The following ACOX1 variants were observed in gnomAD, a reference collection of about 807,000 sequenced individuals.
ACOX1 encodes peroxisomal acyl-coenzyme A oxidase 1.
A neutral mutation model predicts 75.5 loss-of-function variants in ACOX1; 41 were observed. That is an observed-to-expected ratio of 0.54 (90% CI 0.42 to 0.70). ACOX1 has a LOEUF of 0.70. Ranked by LOEUF, ACOX1 falls within the 30% of genes least tolerant of loss-of-function variation. The pLI, the probability that ACOX1 is intolerant of heterozygous loss-of-function variation, is 0.00. For synonymous variants in ACOX1, 303 were observed against 298.8 expected (o/e 1.01, Z -0.15); for missense variants, 630 against 837.5 (o/e 0.75, Z 3.06).
intron 13 of ACOX1, among the ~76,000 whole-genome samples, chr17:75,947,971 G>A (rs1316912009): frequency 2.0e-5 from 3 of 152,154 alleles, no homozygotes; most frequent in Admixed American, 2.0e-4. Context: ...TGCCCACTCG[G>A]CCTCCCACAG....
rs781295371 is a variant in ACOX1 at position 75,949,353 on chromosome 17, C to T, written c.1592G>A (p.Cys531Tyr). 4.0e-5 allele frequency: 64 copies of T among 1,613,962 alleles called. 1 individual carries two copies. Among genetic ancestry groups the T allele is most frequent in the Non-Finnish European group, 4.8e-5 (57 of 1,180,022 alleles). ...VDLVRASEAH[C>Y]HYVVVKLFSE... ...AAAGAGCTTAACTACCACATAGTGG[C>T]AATGTGCCTAAGATTAAAAAGAAAA... Residue 531 changes from cysteine (C) to tyrosine (Y), a missense_variant, in exon 12 of 14, where the codon TGC becomes TAC. By Grantham distance (194) the Cys-to-Tyr change is radical. Transcript: ENST00000293217.
chr17:75,973,732 A>G, intron 2 of ACOX1: 1 of 1,614,170 alleles, frequency 6.2e-7, no homozygotes, highest in South Asian at 1.1e-5. Context: ...CAAGGTAGGA[A>G]TAAACATGGA....
In ACOX1 at chr17:75,944,657, TTACTC is replaced by T. The variant is rs2065703568; in HGVS notation, c.*2086_*2090del. 3.3e-5 allele frequency: 5 copies of T among 152,344 alleles called. No individual in the cohort carries two copies. The highest frequency in any genetic ancestry group is 1.2e-4 in the African/African-American group (5 of 41,590). The allele number at this position is 152,344 out of a possible 1,614,324, so 9.4% of individuals were successfully genotyped here. ...TCTTAATAGTACAAATCAGTGACGT[TTACTC>T]TATCTTTATTCTTGATTATATTGAA... On this transcript the variant is annotated 3_prime_UTR_variant, in exon 14 of 14. Transcript: ENST00000293217.
chr17:75,978,875 G>A lies in ACOX1; in HGVS notation c.109+90C>T, dbSNP rs1276503366. On this transcript the variant is annotated intron_variant, in intron 1 of 13. Coordinates refer to ENST00000293217, the MANE Select transcript of ACOX1 (RefSeq NM_004035.7). The surrounding 1 kb of genome is among the most constrained non-coding windows in gnomAD (Gnocchi z 4.2). Reference sequence around the variant, plus strand: ...CGGCTCCCCTAACGCTGGGCCAGAGGGCCTAGGCCCCACAGCGCCCCTGAC... The same window carrying A: ...CGGCTCCCCTAACGCTGGGCCAGAGAGCCTAGGCCCCACAGCGCCCCTGAC... 6.3e-7 allele frequency: 1 copy of A among 1,599,542 alleles called. No homozygotes were observed. Among genetic ancestry groups the A allele is most frequent in the East Asian group, 2.2e-5 (1 of 44,792 alleles).
intron 2 of ACOX1, among the ~76,000 whole-genome samples, chr17:75,975,289 G>A (rs1487062941): frequency 6.6e-6 from 1 of 151,848 alleles, no homozygotes; most frequent in Admixed American, 6.6e-5. Flanking sequence ...CTCCCAAGTA[G>A]CTGGGATTAT....
intron 2 of ACOX1, among the ~76,000 whole-genome samples, chr17:75,976,183 G>A (rs1050518590): frequency 2.6e-5 from 4 of 152,094 alleles, no homozygotes; most frequent in Non-Finnish European, 2.9e-5. Context: ...ATATCCTAAG[G>A]ACATTGGAAG....
intron 7 of ACOX1, among the ~76,000 whole-genome samples, chr17:75,952,016 T>C (rs2065779560): frequency 6.6e-6 from 1 of 152,108 alleles, no homozygotes; most frequent in Non-Finnish European, 1.5e-5. Context: ...AATTACCTTG[T>C]ACTGCGTAGG....
chr17:75,978,816 C>A lies in ACOX1; in HGVS notation c.110-123G>T. 1 of 1,601,962 alleles carries A rather than the reference C, an allele frequency of 6.2e-7. No homozygotes were observed. Among genetic ancestry groups the A allele is most frequent in the Non-Finnish European group, 8.5e-7 (1 of 1,178,144 alleles). ...CTGGGGAATGGCGATATCCCCCCAC[C>A]AGGGACACAGGCTGTTCCTCGAAGT... On this transcript the variant is annotated intron_variant, in intron 1 of 13. Transcript: ENST00000293217. This position sits in a 1 kb window ranked among gnomAD's most constrained non-coding sequence, Gnocchi z 4.2.
intron 3 of ACOX1, among the ~76,000 whole-genome samples, chr17:75,959,628 A>T (rs1220665544): frequency 6.6e-6 from 1 of 152,194 alleles, no homozygotes. Flanking sequence ...GATCAATGAA[A>T]GGTGGAGATA....
chr17:75,951,695 C>G (rs1466637369), intron 7 of ACOX1, 118 bp from the exon 8 acceptor site: 1 of 1,002,130 alleles, frequency 1.0e-6, no homozygotes, highest in Non-Finnish European at 1.5e-6. Context: ...CTTAAGGGCA[C>G]TGTGAGGTAG....
Position 75,949,871 on chromosome 17 carries a change from A to C in ACOX1, c.1325T>G (p.Val442Gly). The change falls in exon 10 of 14, where the codon GTG becomes GGG. Residue 442 changes from valine (V) to glycine (G), a missense_variant. Val to Gly is a moderately radical substitution (Grantham distance 109). Around this residue, in one of 2 missense-constraint regions of ACOX1, gnomAD observed 240 missense variants for 262.7 expected, o/e 0.91. Coordinates refer to ENST00000293217, the MANE Select transcript of ACOX1 (RefSeq NM_004035.7). Reference sequence around the variant, plus strand: ...GCCACACACCAACTTTCCTGAGTGCACCTGATCATAACTTTTCATCAGGAA... The same window carrying C: ...GCCACACACCAACTTTCCTGAGTGCCCCTGATCATAACTTTTCATCAGGAA... ...ARFLMKSYDQ[V>G]HSGKLVCGMV... 6.2e-7 allele frequency: 1 copy of C among 1,614,198 alleles called. No homozygotes were observed.
chr17:75,975,578 T>C (rs375426770), intron 2 of ACOX1, among the ~76,000 whole-genome samples: 1 of 152,250 alleles, frequency 6.6e-6, no homozygotes, highest in Non-Finnish European at 1.5e-5. Flanking sequence ...GTAATCATTA[T>C]AGATTCCACC....
intron 2 of ACOX1, among the ~76,000 whole-genome samples, chr17:75,964,508 G>T: frequency 6.6e-6 from 1 of 152,276 alleles, no homozygotes; most frequent in East Asian, 1.9e-4. Context: ...GAAGATGCAC[G>T]CTAAGGGTTA....
chr17:75,944,287 T>C lies in ACOX1; in HGVS notation c.*2461A>G, dbSNP rs1283549802. ...AATTTTGGAGAAGACAAGGTTAAAA[T>C]GTATCTTTGTACTTGTGAAAATGGC... On this transcript the variant is annotated 3_prime_UTR_variant, in exon 14 of 14. Transcript: ENST00000293217. The C allele has an allele frequency of 6.6e-6, 1 of 152,206 alleles. No homozygotes were observed. Among genetic ancestry groups the C allele is most frequent in the African/African-American group, 2.4e-5 (1 of 41,448 alleles). The allele number at this position is 152,206 out of a possible 1,614,324, so 9.4% of individuals were successfully genotyped here.
chr17:75,947,253 T>TTG (rs1555616016), intron 13 of ACOX1, among the ~76,000 whole-genome samples: 1 of 151,438 alleles, frequency 6.6e-6, no homozygotes, highest in Non-Finnish European at 1.5e-5. Flanking sequence ...TCTTAGTTTT[T>TTG]TTTTTTTTTT....
At chr17:75,953,264 G>T in intron 7 of ACOX1, 187 bp downstream of exon 7, 1 of 597,480 alleles carries the variant, frequency 1.7e-6, no homozygotes, top group South Asian at 1.8e-5. Context: ...ATTATAGCAA[G>T]GGTGGTTATT....
intron 6 of ACOX1, 95 bp downstream of exon 6, chr17:75,955,471 C>T: frequency 9.5e-7 from 1 of 1,054,714 alleles, no homozygotes; most frequent in Non-Finnish European, 1.5e-6. Flanking sequence ...CTGTTATTAC[C>T]TTCTAAAAGA....
chr17:75,953,144 T>G (rs1334623080), intron 7 of ACOX1: 2 of 318,494 alleles, frequency 6.3e-6, no homozygotes, highest in South Asian at 2.8e-5. Context: ...CTGCCTTTAG[T>G]GTGTTGAACA....
intron 2 of ACOX1, among the ~76,000 whole-genome samples, chr17:75,974,370 G>A (rs1392714155): frequency 6.6e-6 from 1 of 152,106 alleles, no homozygotes; most frequent in Non-Finnish European, 1.5e-5. Flanking sequence ...TAAGTAATGT[G>A]GGCATGTAAA....
Sources: gnomAD v4.1 joint callset for allele counts (sites outside exome capture counted in the v4.1 genomes callset) on GRCh38, gnomAD v4.1.1 for gene constraint, gnomAD v4.1.1 regional missense constraint, Gnocchi (gnomAD v3.1) non-coding constraint, MANE v1.5 for transcripts, NCBI Gene and HGNC (gene_info 2026-07-23, HGNC 2026-07-21) for gene names.